The following ST3GAL3 variants were observed in gnomAD, a reference collection of about 807,000 sequenced individuals.
ST3GAL3 encodes ST3 beta-galactoside alpha-2,3-sialyltransferase 3, also known as CMP-N-acetylneuraminate-beta-1,4-galactoside alpha-2,3-sialyltransferase.
In ST3GAL3, 21 loss-of-function variants were observed where a neutral mutation model predicts 50.1. That is an observed-to-expected ratio of 0.42 (90% confidence interval 0.30 to 0.60). The LOEUF (loss-of-function observed/expected upper bound fraction) is 0.60. Among genes scored for constraint, ST3GAL3 ranks in the 20% least tolerant of loss-of-function variants. The pLI is 0.19. For synonymous variants in ST3GAL3, 183 were observed against 190.0 expected, an observed-to-expected ratio of 0.96 and a Z score of 0.30; for missense variants, 353 against 489.4, an observed-to-expected ratio of 0.72 and a Z score of 2.63.
intron 2 of ST3GAL3, among the ~76,000 whole-genome samples, chr1:43,744,495 C>CAG (rs1682585981): frequency 1.3e-5 from 2 of 151,752 alleles, no homozygotes; most frequent in African/African-American, 4.8e-5. Context: ...CCCGCCTCGG[C>CAG]CTTCCAAAGT....
At chr1:43,829,331 C>T (rs2063229002) in intron 4 of ST3GAL3, among the ~76,000 whole-genome samples, 2 of 152,110 alleles carry the variant, frequency 1.3e-5, no homozygotes, top group Admixed American at 6.5e-5. Flanking sequence ...AAAATAAAAA[C>T]AAAACCCCAG....
At chr1:43,843,889 G>A (rs560958221) in intron 5 of ST3GAL3, among the ~76,000 whole-genome samples, 3 of 152,232 alleles carry the variant, frequency 2.0e-5, no homozygotes, top group South Asian at 2.1e-4. Flanking sequence ...ACAGGTTGAC[G>A]GCCGAACAAG....
chr1:43,814,947 G>T lies in ST3GAL3; in HGVS notation c.209+14G>T, dbSNP rs747853948. On this transcript the variant is annotated intron_variant, in intron 4 of 11. Coordinates refer to ENST00000347631, the MANE Select transcript of ST3GAL3 (RefSeq NM_006279.5). ...GGACTCTAAACTGTGAGTAGAATGA[G>T]AAGATACCTTGGCTCTGTGGCAGAG... 19 of 1,613,756 alleles carry T rather than the reference G, an allele frequency of 1.2e-5. No homozygotes were observed. In the Middle Eastern group the frequency reaches 9.9e-4, roughly 84 times the overall value.
intron 2 of ST3GAL3, among the ~76,000 whole-genome samples, chr1:43,741,950 T>C (rs1026178186): frequency 1.3e-5 from 2 of 152,038 alleles, no homozygotes; most frequent in African/African-American, 4.8e-5. Flanking sequence ...GCTGAAGCAG[T>C]TGGAATCTGT....
At chr1:43,793,217 T>G (rs1367645503) in intron 3 of ST3GAL3, among the ~76,000 whole-genome samples, 1 of 152,078 alleles carries the variant, frequency 6.6e-6, no homozygotes, top group Non-Finnish European at 1.5e-5. Flanking sequence ...CGCTTTTTAT[T>G]TTTATTTTTT....
intron 5 of ST3GAL3, among the ~76,000 whole-genome samples, chr1:43,844,890 T>C (rs1400744151): frequency 6.6e-6 from 1 of 151,942 alleles, no homozygotes. Flanking sequence ...TCTGTAAGGA[T>C]TTTTAGGAGC....
intron 5 of ST3GAL3, among the ~76,000 whole-genome samples, chr1:43,876,742 A>G (rs1214016390): frequency 6.6e-6 from 1 of 152,180 alleles, no homozygotes; most frequent in Non-Finnish European, 1.5e-5. Context: ...TGCTCATTGC[A>G]TGTGGATGGA....
intron 5 of ST3GAL3, among the ~76,000 whole-genome samples, chr1:43,854,684 G>A (rs1056831251): frequency 6.6e-6 from 1 of 152,126 alleles, no homozygotes; most frequent in Non-Finnish European, 1.5e-5. Context: ...AGCTCCACTT[G>A]GATGACTCAA....
chr1:43,857,734 G>C (rs1011620850), intron 5 of ST3GAL3, among the ~76,000 whole-genome samples: 1 of 151,678 alleles, frequency 6.6e-6, no homozygotes, highest in African/African-American at 2.4e-5. Flanking sequence ...TCCTGTCTCA[G>C]CCTCCCAAGT....
intron 4 of ST3GAL3, among the ~76,000 whole-genome samples, chr1:43,837,992 C>G (rs2064673647): frequency 6.6e-6 from 1 of 151,162 alleles, no homozygotes; most frequent in Admixed American, 6.6e-5. Context: ...GTTTAAACAC[C>G]TTATCCCAGC....
At chr1:43,788,232 T>C (rs1351460323) in intron 2 of ST3GAL3, among the ~76,000 whole-genome samples, 3 of 152,254 alleles carry the variant, frequency 2.0e-5, no homozygotes, top group Admixed American at 2.0e-4. Flanking sequence ...TTAGCCTTTT[T>C]TCTGTACATG....
intron 1 of ST3GAL3, among the ~76,000 whole-genome samples, chr1:43,713,000 A>G (rs1665543022): frequency 6.6e-6 from 1 of 152,246 alleles, no homozygotes; most frequent in Non-Finnish European, 1.5e-5. Context: ...CAGGAACATC[A>G]CTGTGTGGAA....
chr1:43,862,706 G>C (rs1409985279), intron 5 of ST3GAL3, among the ~76,000 whole-genome samples: 2 of 138,978 alleles, frequency 1.4e-5, no homozygotes, highest in Non-Finnish European at 3.1e-5. Flanking sequence ...CCAGGAGTTT[G>C]AAACCAGCCT....
chr1:43,908,084 A>AG (rs1265189951), intron 9 of ST3GAL3, among the ~76,000 whole-genome samples: 2 of 152,214 alleles, frequency 1.3e-5, no homozygotes, highest in East Asian at 3.9e-4. Flanking sequence ...GCTGGGTTCT[A>AG]GGGATAGCCC....
intron 3 of ST3GAL3, among the ~76,000 whole-genome samples, chr1:43,811,345 T>A (rs942802339): frequency 5.9e-5 from 9 of 152,160 alleles, no homozygotes; most frequent in Non-Finnish European, 1.0e-4. Flanking sequence ...ACCTAGAGTG[T>A]TTGCACTCTC....
chr1:43,720,515 G>C (rs916965050), intron 1 of ST3GAL3: 1 of 152,262 alleles, frequency 6.6e-6, no homozygotes, highest in Non-Finnish European at 1.5e-5. Flanking sequence ...CTGGCATGTG[G>C]TGAGGGCCTC....
intron 5 of ST3GAL3, among the ~76,000 whole-genome samples, chr1:43,893,854 A>G (rs1387036821): frequency 1.3e-5 from 2 of 151,930 alleles, no homozygotes; most frequent in African/African-American, 4.8e-5. Flanking sequence ...CTTTCCTACC[A>G]AACTTCTGTC....
At chr1:43,820,256 T>C (rs921402771) in intron 4 of ST3GAL3, among the ~76,000 whole-genome samples, 2 of 152,156 alleles carry the variant, frequency 1.3e-5, no homozygotes, top group Non-Finnish European at 2.9e-5. Context: ...GCTAACCATA[T>C]GCAGAAGAAT....
intron 5 of ST3GAL3, among the ~76,000 whole-genome samples, chr1:43,890,115 C>A (rs980540627): frequency 1.5e-4 from 23 of 150,664 alleles, no homozygotes; most frequent in African/African-American, 5.3e-4. Flanking sequence ...GAGCCTATCT[C>A]AAAAAAAAAT....
Sources: allele counts gnomAD v4.1 joint callset (sites outside exome capture counted in the v4.1 genomes callset), GRCh38; gene constraint gnomAD v4.1.1; transcripts MANE v1.5; gene names NCBI Gene and HGNC (gene_info 2026-07-23, HGNC 2026-07-21).